ADGRF5: variants seen among roughly 807,000 people sequenced by gnomAD.
The protein encoded by ADGRF5 is G-protein coupled receptor 116.
In ADGRF5, 75 loss-of-function variants were observed where a neutral mutation model predicts 132.3. The observed-to-expected ratio is 0.57, with a 90% CI of 0.47 to 0.69. The LOEUF (loss-of-function observed/expected upper bound fraction) is 0.69. Ranked by LOEUF, ADGRF5 falls within the 30% of genes least tolerant of loss-of-function variation. The pLI is 0.00. For synonymous variants in ADGRF5, 629 were observed against 597.6 expected (o/e 1.05, Z -0.77); for missense variants, 1,516 against 1,630.6 (o/e 0.93, Z 1.21).
chr6:46,905,345 T>C (rs1312934914), intron 2 of ADGRF5: 1 of 151,126 alleles, frequency 6.6e-6, no homozygotes, highest in Non-Finnish European at 1.5e-5. Flanking sequence ...CCCCAAGTCA[T>C]GAAAGAAATA....
At chr6:46,942,474 T>A (rs555354784) in intron 1 of ADGRF5, among the ~76,000 whole-genome samples, 1 of 152,364 alleles carries the variant, frequency 6.6e-6, no homozygotes, top group South Asian at 2.1e-4. Context: ...TTCTAGCTAC[T>A]TAAATTTGGG....
intron 2 of ADGRF5, among the ~76,000 whole-genome samples, chr6:46,902,149 A>G (rs1774839966): frequency 1.3e-5 from 2 of 152,240 alleles, no homozygotes; most frequent in Admixed American, 6.5e-5. Context: ...AAGTCAATGT[A>G]TAGGACTGTT....
At chr6:46,880,172 G>T in intron 8 of ADGRF5, 133 bp from the exon 9 acceptor site, 1 of 659,738 alleles carries the variant, frequency 1.5e-6, no homozygotes, top group Non-Finnish European at 2.7e-6. Flanking sequence ...CTGAGGCAAT[G>T]TGTCTCCTCA....
intron 15 of ADGRF5, among the ~76,000 whole-genome samples, chr6:46,862,269 A>T (rs767576768): frequency 3.9e-5 from 6 of 152,198 alleles, no homozygotes; most frequent in Non-Finnish European, 5.9e-5. Context: ...AATGTAATTC[A>T]TGGAATTTTA....
chr6:46,856,175 C>T (rs1769024723), intron 19 of ADGRF5, 117 bp from the exon 20 acceptor site: 1 of 644,460 alleles, frequency 1.6e-6, no homozygotes, highest in Non-Finnish European at 2.8e-6. Context: ...ATCTCTAGTC[C>T]CACTCCCAGA....
At chr6:46,924,284 T>C (rs751318576), upstream of ADGRF5, among the ~76,000 whole-genome samples, 36 of 152,216 alleles carry the variant, frequency 2.4e-4, no homozygotes, top group Admixed American at 7.2e-4. Flanking sequence ...TGCATGTCTT[T>C]TTGAAGTTAC....
Position 46,879,881 on chromosome 6 carries a change from G to A in ADGRF5, c.973C>T (p.Leu325Phe). 6.2e-7 allele frequency: 1 copy of A among 1,614,126 alleles called. No homozygotes were observed. The highest frequency in any genetic ancestry group is 8.5e-7 in the Non-Finnish European group (1 of 1,179,960). The change falls in exon 9 of 21, where the codon CTT becomes TTT. Residue 325 changes from leucine to phenylalanine, a missense_variant. Around this residue, in one of 2 missense-constraint regions of ADGRF5, gnomAD observed 945 missense variants for 929.4 expected, o/e 1.02. Transcript: ENST00000283296. ...NSSRFSIYTA[L>F]FNNMTSVSKL... is the part of the protein sequence containing the mutation. ...GACACCGAAGTCATGTTGTTGAAAA[G>A]TGCGGTGTAAATCGAGAATCTGCTG...
chr6:46,947,818 C>A lies in ADGRF5; in HGVS notation c.-25+6916G>T, dbSNP rs937057967. On this transcript the variant is annotated intron_variant, in intron 1 of 20. Coordinates refer to the ADGRF5 transcript ENST00000265417. The stretch of plus-strand genomic sequence containing the variant: ...GCTACAGCACATTTTCCTGAATCTG[C>A]GGACCTTGGAGGGGGGACCTGGACA... 2.6e-5 allele frequency among the ~76,000 whole-genome samples: 4 copies of A among 152,202 alleles called. No individual in the cohort carries two copies. In the East Asian group the frequency reaches 7.7e-4, roughly 29 times the overall value.
chr6:46,954,176 A>G (rs1778635486), intron 1 of ADGRF5, among the ~76,000 whole-genome samples: 5 of 152,196 alleles, frequency 3.3e-5, no homozygotes, highest in Admixed American at 2.6e-4. Context: ...AACCTCGGGA[A>G]TAACAACTGT....
chr6:46,953,558 G>T (rs1273552149), intron 1 of ADGRF5, among the ~76,000 whole-genome samples: 1 of 149,660 alleles, frequency 6.7e-6, no homozygotes. Context: ...AGAGGCAGAG[G>T]TTGTGCTGAG....
chr6:46,878,361 A>G lies in ADGRF5; in HGVS notation c.1081T>C (p.Cys361Arg), dbSNP rs1489951869. 1.9e-6 allele frequency: 3 copies of G among 1,611,132 alleles called. No individual in the cohort carries two copies. Among genetic ancestry groups the G allele is most frequent in the Non-Finnish European group, 2.5e-6 (3 of 1,177,528 alleles). Residue 361 changes from cysteine to arginine, a missense_variant, in exon 10 of 21, where the codon TGC (cysteine) becomes CGC (arginine). Coordinates refer to ENST00000283296, the MANE Select transcript of ADGRF5 (RefSeq NM_001098518.2). Reference sequence around the variant, plus strand: ...GGCATAACATCTATTTTCTTCTTGCACTCATATTCAAAAATGTCTAATATC... The same window carrying G: ...GGCATAACATCTATTTTCTTCTTGCGCTCATATTCAAAAATGTCTAATATC... ...KLILDIFEYE[C>R]KKKIDVMPIQ...
intron 4 of ADGRF5, among the ~76,000 whole-genome samples, chr6:46,886,358 G>A (rs553239171): frequency 3.8e-4 from 58 of 152,224 alleles, no homozygotes; most frequent in Admixed American, 1.2e-3. Flanking sequence ...GTGCCCGCTA[G>A]AGGTAATTTG....
intron 1 of ADGRF5, among the ~76,000 whole-genome samples, chr6:46,907,190 A>G (rs1023497452): frequency 1.3e-5 from 2 of 152,208 alleles, no homozygotes; most frequent in Non-Finnish European, 2.9e-5. Context: ...GCATCCCATT[A>G]AATGGACATC....
rs116887665 is a variant in ADGRF5, at chr6:46,870,957, T to C, written c.1411+886A>G. ...TAGGAATGCAAAACTGTTCTACCTG[T>C]AGATATATGATTATTATATAGCTAT... On this transcript the variant is annotated intron_variant, in intron 11 of 20. Transcript: ENST00000283296. 5.6e-4 allele frequency: 148 copies of C among 265,052 alleles called. No individual in the cohort carries two copies. In the East Asian group the frequency reaches 0.013, roughly 23 times the overall value. 16.4% of individuals were successfully genotyped at this position (265,052 alleles called of 1,614,324 possible). A position where few individuals can be genotyped will look rare whatever the true frequency, so the allele number is the denominator to read the frequency against.
intron 14 of ADGRF5, among the ~76,000 whole-genome samples, chr6:46,864,320 G>A (rs556599): frequency 0.84 from 127,099 of 152,030 alleles, 54,933 homozygotes; most frequent in East Asian, 0.99. Context: ...GGATGGGAAA[G>A]GCAGCTGCCT....
chr6:46,946,583 A>C lies in ADGRF5; in HGVS notation c.-25+8151T>G, dbSNP rs142215942. On this transcript the variant is annotated intron_variant, in intron 1 of 20. Coordinates refer to the ADGRF5 transcript ENST00000265417. Reference sequence around the variant, plus strand: ...AGGATCTAAGCATAATTAAATGCTAACAGGAAAGGGCCAATAAGAGGTGAG... The same window carrying C: ...AGGATCTAAGCATAATTAAATGCTACCAGGAAAGGGCCAATAAGAGGTGAG... Among the ~76,000 whole-genome samples, 456 of 152,316 alleles carry C rather than the reference A, an allele frequency of 3.0e-3. 4 individuals carry two copies. The highest frequency in any genetic ancestry group is 0.011 in the African/African-American group (447 of 41,568).
Position 46,858,481 on chromosome 6 carries a change from G to A in ADGRF5, c.3422C>T (p.Ala1141Val). The A allele has an allele frequency of 6.2e-7, 1 of 1,613,922 alleles. No individual in the cohort carries two copies. The highest frequency in any genetic ancestry group is 1.1e-5 in the South Asian group (1 of 91,072). The part of the protein sequence containing the change: ...AFCLGYGCPL[A>V]ISVITLGATQ... ...GGCTCCCAGCGTGATGACCGAGATG[G>A]CAAGTGGGCAGCCATAGCCAAGACA... Residue 1141 changes from alanine to valine, a missense_variant, in exon 17 of 21, where the codon GCC (alanine) becomes GTC (valine). Coordinates refer to ENST00000283296, the MANE Select transcript of ADGRF5 (RefSeq NM_001098518.2).
chr6:46,906,531 C>T (rs957890543), intron 2 of ADGRF5, 130 bp downstream of exon 2: 27 of 640,094 alleles, frequency 4.2e-5, no homozygotes, highest in Non-Finnish European at 6.9e-5. Flanking sequence ...TCTTATGTTG[C>T]AACTATGGGA....
rs775939205 is a variant in ADGRF5 at position 46,859,214 on chromosome 6, T to C, written c.2689A>G (p.Ile897Val). 1.2e-5 allele frequency: 20 copies of C among 1,613,990 alleles called. No homozygotes were observed. The highest frequency in any genetic ancestry group is 2.2e-5 in the East Asian group (1 of 44,890). Reference sequence around the variant, plus strand: ...AGAGTTGGGAAAGCCATGGTGACAATAGACGAATCCGACTGCAAGTTTTCT... The same window carrying C: ...AGAGTTGGGAAAGCCATGGTGACAACAGACGAATCCGACTGCAAGTTTTCT... ...YLENLQSDSSIVTMAFPTLQA... is the reference protein window; with the variant it reads ...YLENLQSDSSVVTMAFPTLQA... Residue 897 changes from isoleucine to valine, a missense_variant, in exon 17 of 21, where the codon ATT (isoleucine) becomes GTT (valine). Transcript: ENST00000283296.
Sources: allele counts gnomAD v4.1 joint callset (sites outside exome capture counted in the v4.1 genomes callset), GRCh38; gene constraint gnomAD v4.1.1; regional missense constraint gnomAD v4.1.1; transcripts MANE v1.5; gene names NCBI Gene and HGNC (gene_info 2026-07-23, HGNC 2026-07-21).